Variants in ATRNL1 observed in about 807,000 individuals in gnomAD.
The protein encoded by ATRNL1 is attractin-like protein 1.
A neutral mutation model predicts 182.7 loss-of-function variants in ATRNL1; 95 were observed. That is an observed-to-expected ratio of 0.52 (90% CI 0.44 to 0.62). ATRNL1 has a LOEUF of 0.62. ATRNL1 is among the 20% of genes least tolerant of loss of function. The pLI is 0.00. For missense variants in ATRNL1, 1,471 were observed against 1,679.5 expected (o/e 0.88, Z 2.17); for synonymous variants, 576 against 568.3 (o/e 1.01, Z -0.19).
At chr10:115,683,029 T>C (rs759349606) in intron 26 of ATRNL1, among the ~76,000 whole-genome samples, 85 of 152,190 alleles carry the variant, frequency 5.6e-4, no homozygotes, top group Non-Finnish European at 1.0e-3. Flanking sequence ...AATCAAAAAC[T>C]TTTCTCATAA....
intron 26 of ATRNL1, among the ~76,000 whole-genome samples, chr10:115,652,141 A>G (rs11197381): frequency 0.012 from 1,782 of 152,188 alleles, 36 homozygotes; most frequent in African/African-American, 0.04. Context: ...AATTTTTTAT[A>G]TAATTTTACA....
At chr10:115,350,334 C>CCAA (rs1856176278) in intron 19 of ATRNL1, among the ~76,000 whole-genome samples, 1 of 29,734 alleles carries the variant, frequency 3.4e-5, no homozygotes, top group Non-Finnish European at 5.2e-5. Flanking sequence ...GACTCTGTCT[C>CCAA]AAAAAAAAAA....
chr10:115,877,536 A>G (rs1951727725), intron 28 of ATRNL1, among the ~76,000 whole-genome samples: 1 of 152,236 alleles, frequency 6.6e-6, no homozygotes, highest in African/African-American at 2.4e-5. Flanking sequence ...ATTTATTTGT[A>G]TAAACAGGCA....
At chr10:115,302,105 G>A in intron 17 of ATRNL1, 62 bp downstream of exon 17, 1 of 1,357,852 alleles carries the variant, frequency 7.4e-7, no homozygotes, top group Non-Finnish European at 9.9e-7. Context: ...TTTCTGTGAT[G>A]TAAAGAAGAA....
chr10:115,207,847 C>T (rs940291181), intron 8 of ATRNL1, among the ~76,000 whole-genome samples: 6 of 151,862 alleles, frequency 4.0e-5, no homozygotes, highest in Non-Finnish European at 8.8e-5. Context: ...TCCCCCATCC[C>T]GATCTTGTGT....
At chr10:115,203,711 C>T (rs1848687146) in intron 8 of ATRNL1, among the ~76,000 whole-genome samples, 1 of 147,974 alleles carries the variant, frequency 6.8e-6, no homozygotes, top group Non-Finnish European at 1.5e-5. Flanking sequence ...TCCTGAGTAG[C>T]TGGGACTGCA....
chr10:115,598,048 T>G (rs1856365195), intron 26 of ATRNL1: 1 of 154,292 alleles, frequency 6.5e-6, no homozygotes, highest in Non-Finnish European at 1.4e-5. Flanking sequence ...GCAATAGACC[T>G]AATTTGAACA....
intron 28 of ATRNL1, among the ~76,000 whole-genome samples, chr10:115,909,115 A>G (rs1589678200): frequency 6.6e-6 from 1 of 152,192 alleles, no homozygotes; most frequent in Non-Finnish European, 1.5e-5. Context: ...ATAATAATGT[A>G]CACAGCTGTA....
At chr10:115,324,010 C>T (rs1030904107) in intron 18 of ATRNL1, among the ~76,000 whole-genome samples, 2 of 151,920 alleles carry the variant, frequency 1.3e-5, no homozygotes, top group Admixed American at 1.3e-4. Flanking sequence ...ATCTCCTGAC[C>T]TCGTGATCTG....
chr10:115,697,782 A>G (rs889461418), intron 26 of ATRNL1, among the ~76,000 whole-genome samples: 3 of 152,176 alleles, frequency 2.0e-5, no homozygotes, highest in African/African-American at 7.2e-5. Flanking sequence ...TAATGCTATG[A>G]AAACAAAGCA....
chr10:115,304,739 A>G (rs1853643008), intron 17 of ATRNL1, among the ~76,000 whole-genome samples: 1 of 152,110 alleles, frequency 6.6e-6, no homozygotes, highest in Non-Finnish European at 1.5e-5. Context: ...GCAGGGCACC[A>G]TGATGTTCTA....
intron 13 of ATRNL1, among the ~76,000 whole-genome samples, chr10:115,273,727 T>A (rs1666357698): frequency 6.6e-6 from 1 of 152,198 alleles, no homozygotes; most frequent in South Asian, 2.1e-4. Flanking sequence ...TCTTCCTCTG[T>A]CAAGTGATCT....
chr10:115,928,300 T>G (rs919303122), intron 28 of ATRNL1, among the ~76,000 whole-genome samples: 1 of 152,078 alleles, frequency 6.6e-6, no homozygotes, highest in African/African-American at 2.4e-5. Context: ...AAATTAAAGC[T>G]GTGCAAACTA....
intron 27 of ATRNL1, among the ~76,000 whole-genome samples, chr10:115,845,293 A>G (rs1335831944): frequency 6.6e-6 from 1 of 152,018 alleles, no homozygotes; most frequent in Non-Finnish European, 1.5e-5. Flanking sequence ...AATGTTTTCT[A>G]TACAATAGCA....
intron 26 of ATRNL1, among the ~76,000 whole-genome samples, chr10:115,568,826 C>T (rs1854217196): frequency 1.3e-5 from 2 of 151,930 alleles, no homozygotes; most frequent in East Asian, 1.9e-4. Flanking sequence ...TCCACACTTT[C>T]CCTCCCTGCC....
intron 8 of ATRNL1, among the ~76,000 whole-genome samples, chr10:115,187,467 C>T (rs1213227352): frequency 6.6e-6 from 1 of 152,014 alleles, no homozygotes; most frequent in Non-Finnish European, 1.5e-5. Flanking sequence ...TGGTGCACAA[C>T]ATGGTGACAA....
intron 14 of ATRNL1, among the ~76,000 whole-genome samples, chr10:115,283,007 T>G (rs1215412338): frequency 6.6e-5 from 10 of 152,112 alleles, no homozygotes; most frequent in African/African-American, 2.2e-4. Context: ...AAGAAAAGTT[T>G]CTGAGCCTAT....
chr10:115,665,257 T>C (rs886236061), intron 26 of ATRNL1, among the ~76,000 whole-genome samples: 1 of 152,164 alleles, frequency 6.6e-6, no homozygotes, highest in Admixed American at 6.6e-5. Context: ...ACAGAGTCAT[T>C]GATTATTAAA....
At chr10:115,548,610 T>A (rs944806428) in intron 25 of ATRNL1, among the ~76,000 whole-genome samples, 1 of 152,226 alleles carries the variant, frequency 6.6e-6, no homozygotes, top group Non-Finnish European at 1.5e-5. Context: ...ATGAGATTCA[T>A]GTAAATCTCT....
Sources: allele counts gnomAD v4.1 joint callset (sites outside exome capture counted in the v4.1 genomes callset), GRCh38; gene constraint gnomAD v4.1.1; transcripts MANE v1.5; gene names NCBI Gene and HGNC (gene_info 2026-07-23, HGNC 2026-07-21).